The following SETBP1 variants were observed in gnomAD, a reference collection of about 807,000 sequenced individuals.
SETBP1 encodes the protein SET binding protein 1.
Under a neutral mutation model 101.0 loss-of-function variants are expected in SETBP1, and 9 were observed. The ratio of observed to expected loss-of-function variants is 0.09; its 90% confidence interval spans 0.05 to 0.16. SETBP1 has a LOEUF of 0.16. Ranked by LOEUF, SETBP1 falls within the 10% of genes least tolerant of loss-of-function variation. The pLI is 1.00. For missense variants in SETBP1, 1,858 were observed against 2,033.8 expected (o/e 0.91, Z 1.66); for synonymous variants, 818 against 788.5 (o/e 1.04, Z -0.63).
chr18:44,802,892 T>TTTTTTG (rs2071637227), intron 2 of SETBP1, among the ~76,000 whole-genome samples: 1 of 152,122 alleles, frequency 6.6e-6, no homozygotes, highest in Admixed American at 6.6e-5. Context: ...TTTTTGTTTG[T>TTTTTTG]TTTTTGTTTT....
At chr18:45,009,374 T>C (rs1305517288) in intron 4 of SETBP1, among the ~76,000 whole-genome samples, 2 of 150,874 alleles carry the variant, frequency 1.3e-5, no homozygotes, top group Admixed American at 6.6e-5. Flanking sequence ...CGTTTCCCCA[T>C]GGTGGGAAGA....
chr18:44,897,884 C>G (rs142623886), intron 3 of SETBP1, among the ~76,000 whole-genome samples: 322 of 152,258 alleles, frequency 2.1e-3, no homozygotes, highest in African/African-American at 7.2e-3. Context: ...TTTTAGTGCA[C>G]TTCTGGGAGT....
At chr18:44,735,878 C>A (rs1305262953) in intron 2 of SETBP1, among the ~76,000 whole-genome samples, 1 of 152,126 alleles carries the variant, frequency 6.6e-6, no homozygotes, top group Admixed American at 6.5e-5. Flanking sequence ...TCTGGTGAGT[C>A]CTTTTTCATA....
chr18:44,879,405 A>G (rs2069480986), intron 3 of SETBP1, among the ~76,000 whole-genome samples: 1 of 152,162 alleles, frequency 6.6e-6, no homozygotes, highest in African/African-American at 2.4e-5. Context: ...GGTTTTGAAC[A>G]GGATTGAAAA....
At chr18:44,999,581 G>A (rs1244893296) in intron 4 of SETBP1, among the ~76,000 whole-genome samples, 2 of 152,160 alleles carry the variant, frequency 1.3e-5, no homozygotes, top group Non-Finnish European at 2.9e-5. Context: ...TGTCCACATA[G>A]GCACAATAAG....
chr18:45,063,611 C>G lies in SETBP1; in HGVS notation c.4704C>G (p.Pro1568=). ...CCGCTCAGCCCCCACAGCAGTCGCCCCCGCAGCAGCCCCTTCCCCAGGAAG... is the reference window on the plus strand; with the variant it reads ...CCGCTCAGCCCCCACAGCAGTCGCCGCCGCAGCAGCCCCTTCCCCAGGAAG... The part of the protein sequence containing the change: ...QAPAQPPQQS[P]PQQPLPQEEE... Residue 1568 remains proline, a synonymous_variant, in exon 6 of 6, where the codon CCC becomes CCG. Transcript: ENST00000649279. 6.3e-7 allele frequency: 1 copy of G among 1,599,244 alleles called. No individual in the cohort carries two copies. Among genetic ancestry groups the G allele is most frequent in the South Asian group, 1.1e-5 (1 of 88,992 alleles).
chr18:44,853,708 A>G (rs1223744202), intron 2 of SETBP1, among the ~76,000 whole-genome samples: 1 of 152,256 alleles, frequency 6.6e-6, no homozygotes, highest in Non-Finnish European at 1.5e-5. Flanking sequence ...GAATAAGGTC[A>G]CAGTGCTAGG....
chr18:44,702,867 A>G (rs1274177642), intron 2 of SETBP1, among the ~76,000 whole-genome samples: 1 of 152,230 alleles, frequency 6.6e-6, no homozygotes, highest in Non-Finnish European at 1.5e-5. Context: ...TGTCCAACAC[A>G]TCACGGACTT....
chr18:44,964,338 AAAACCAGCCTGGGCAACAGGAGTTTG>A (rs1261999107), intron 4 of SETBP1, among the ~76,000 whole-genome samples: 2 of 152,290 alleles, frequency 1.3e-5, no homozygotes, highest in African/African-American at 4.8e-5. Flanking sequence ...CCAGGAGTTC[AAAACCAGCCTGGGCAACAGGAGTTTG>A]AAACCAGCCT....
intron 3 of SETBP1, among the ~76,000 whole-genome samples, chr18:44,890,389 T>A (rs2069740483): frequency 6.6e-6 from 1 of 152,182 alleles, no homozygotes; most frequent in South Asian, 2.1e-4. Context: ...TAGATTCTTT[T>A]GTGTCCTGGG....
intron 4 of SETBP1, among the ~76,000 whole-genome samples, chr18:44,989,384 A>G (rs1157242491): frequency 1.3e-5 from 2 of 152,202 alleles, no homozygotes; most frequent in Non-Finnish European, 2.9e-5. Flanking sequence ...GAACTGGAAG[A>G]TAGATCCAAA....
At chr18:44,717,538 C>T (rs1268249797) in intron 2 of SETBP1, among the ~76,000 whole-genome samples, 1 of 152,226 alleles carries the variant, frequency 6.6e-6, no homozygotes, top group Non-Finnish European at 1.5e-5. Context: ...GCCCTCACTG[C>T]ACATACTCCC....
In SETBP1 at chr18:44,952,317, T is replaced by C. The variant is rs1181932694; in HGVS notation, c.2977T>C (p.Tyr993His). 1 of 1,614,030 alleles carries C rather than the reference T, an allele frequency of 6.2e-7. No homozygotes were observed. The highest frequency in any genetic ancestry group is 1.7e-5 in the Admixed American group (1 of 60,000). Reference protein sequence around the residue: ...PSIFRINFDHYYPVPYIQYDP... With the variant: ...PSIFRINFDHHYPVPYIQYDP... The stretch of plus-strand genomic sequence containing the variant: ...CATTTTTCGGATTAATTTTGATCAC[T>C]ATTACCCGGTGCCATATATCCAGTA... Residue 993 changes from tyrosine to histidine, a missense_variant, in exon 4 of 6, where the codon TAT becomes CAT. Tyr to His is a moderately conservative substitution (Grantham distance 83). Transcript: ENST00000649279.
At chr18:44,765,855 A>G (rs1302357881) in intron 2 of SETBP1, among the ~76,000 whole-genome samples, 3 of 152,254 alleles carry the variant, frequency 2.0e-5, no homozygotes, top group Non-Finnish European at 4.4e-5. Flanking sequence ...CAAGAACTCA[A>G]GTTCCAGCAT....
chr18:44,786,751 T>C (rs770091951), intron 2 of SETBP1, among the ~76,000 whole-genome samples: 22 of 152,168 alleles, frequency 1.4e-4, no homozygotes, highest in Admixed American at 6.5e-5. Flanking sequence ...CTTTTTTCTC[T>C]CCTCCTCCAA....
intron 2 of SETBP1, among the ~76,000 whole-genome samples, chr18:44,736,153 G>A (rs772838490): frequency 1.6e-4 from 24 of 152,180 alleles, no homozygotes; most frequent in Non-Finnish European, 3.2e-4. Context: ...GGGAGGCCAA[G>A]GCAGGAGAAT....
chr18:44,775,707 AT>A (rs74569090), intron 2 of SETBP1, among the ~76,000 whole-genome samples: 18,715 of 133,238 alleles, frequency 0.14, 1,350 homozygotes, highest in African/African-American at 0.24. Context: ...AGAGAGCACC[AT>A]TTTTTTTTTT....
At chr18:45,051,821 A>G (rs573764189) in intron 5 of SETBP1, among the ~76,000 whole-genome samples, 2 of 152,298 alleles carry the variant, frequency 1.3e-5, no homozygotes, top group African/African-American at 2.4e-5. Context: ...TTATGGAATG[A>G]AGTTTAGGTG....
In SETBP1 at chr18:44,970,900, G is replaced by A. The variant is rs139592197; in HGVS notation, c.4000+17560G>A. ...TTTTAATTATACTTTAAGTATTAGG[G>A]TACATGTGCACAACGTGCAGGTTTG... On this transcript the variant is annotated intron_variant, in intron 4 of 5. Transcript: ENST00000649279. Among the ~76,000 whole-genome samples, 653 of 151,892 alleles carry A rather than the reference G, an allele frequency of 4.3e-3. 7 individuals are homozygous for A. Among genetic ancestry groups the A allele is most frequent in the African/African-American group, 0.015 (630 of 41,418 alleles).
Sources: gnomAD v4.1 joint callset for allele counts (sites outside exome capture counted in the v4.1 genomes callset) on GRCh38, gnomAD v4.1.1 for gene constraint, MANE v1.5 for transcripts, NCBI Gene and HGNC (gene_info 2026-07-23, HGNC 2026-07-21) for gene names.